Variants in PRKCE observed in about 807,000 individuals in gnomAD.
PRKCE encodes the protein protein kinase C epsilon type.
Under a neutral mutation model 85.4 loss-of-function variants are expected in PRKCE, and 16 were observed. The ratio of observed to expected loss-of-function variants is 0.19; its 90% CI spans 0.13 to 0.28. PRKCE has a LOEUF of 0.28. PRKCE is among the 10% of genes least tolerant of loss of function. The probability of loss-of-function intolerance (pLI) is 1.00; values close to 1 mark genes in which losing one functional copy is unlikely to be tolerated. For missense variants in PRKCE, 573 were observed against 975.2 expected, an observed-to-expected ratio of 0.59 and a Z score of 5.49; for synonymous variants, 388 against 371.5, an observed-to-expected ratio of 1.04 and a Z score of -0.51.
intron 1 of PRKCE, among the ~76,000 whole-genome samples, chr2:45,791,322 C>A (rs992270654): frequency 1.2e-4 from 19 of 152,162 alleles, no homozygotes; most frequent in Admixed American, 1.2e-3. Flanking sequence ...GACTGTAAGG[C>A]AAGCTCTCTG....
At chr2:45,756,787 G>T (rs1684039867) in intron 1 of PRKCE, among the ~76,000 whole-genome samples, 1 of 152,232 alleles carries the variant, frequency 6.6e-6, no homozygotes, top group Non-Finnish European at 1.5e-5. Flanking sequence ...AAGATAGGAA[G>T]TAAAACAGTG....
intron 1 of PRKCE, among the ~76,000 whole-genome samples, chr2:45,736,879 T>C (rs1682109761): frequency 6.6e-6 from 1 of 152,146 alleles, no homozygotes; most frequent in Non-Finnish European, 1.5e-5. Flanking sequence ...TAAGGATCAT[T>C]TTGGTTTAAG....
At chr2:46,119,360 T>C (rs1346767246) in intron 11 of PRKCE, among the ~76,000 whole-genome samples, 2 of 152,212 alleles carry the variant, frequency 1.3e-5, no homozygotes, top group Non-Finnish European at 2.9e-5. Flanking sequence ...TAGTTCTTTT[T>C]AGGGCATTCT....
At chr2:45,685,902 C>T (rs80298096) in intron 1 of PRKCE, among the ~76,000 whole-genome samples, 2,017 of 152,218 alleles carry the variant, frequency 0.013, 17 homozygotes, top group African/African-American at 0.017. Flanking sequence ...TGCCTATCCA[C>T]GGATAGAACC....
chr2:45,871,306 G>A (rs915668774), intron 2 of PRKCE, among the ~76,000 whole-genome samples: 11 of 152,178 alleles, frequency 7.2e-5, no homozygotes, highest in African/African-American at 2.4e-4. Flanking sequence ...GGTCATGCAG[G>A]TTCACACGTG....
In PRKCE at chr2:46,123,459, G is replaced by A. The variant is rs71422194; in HGVS notation, c.1593-21634G>A. Reference sequence around the variant, plus strand: ...CTCTTAGAATCTTTGAGATCACATAGAACAAAAGCAAACTTTATGGGTTTC... The same window carrying A: ...CTCTTAGAATCTTTGAGATCACATAAAACAAAAGCAAACTTTATGGGTTTC... On this transcript the variant is annotated intron_variant, in intron 11 of 14. Transcript: ENST00000306156. 5.6e-3 allele frequency among the ~76,000 whole-genome samples: 847 copies of A among 152,028 alleles called. 3 individuals are homozygous for A. Among genetic ancestry groups the A allele is most frequent in the African/African-American group, 0.02 (824 of 41,470 alleles).
At chr2:46,179,377 C>G (rs925108154) in intron 14 of PRKCE, among the ~76,000 whole-genome samples, 2 of 152,058 alleles carry the variant, frequency 1.3e-5, no homozygotes, top group Non-Finnish European at 2.9e-5. Flanking sequence ...CCACCACAGC[C>G]GCTGAGTCTC....
chr2:46,173,255 A>G (rs1456090460), intron 14 of PRKCE, among the ~76,000 whole-genome samples: 1 of 152,226 alleles, frequency 6.6e-6, no homozygotes, highest in African/African-American at 2.4e-5. Context: ...GAACACAGCC[A>G]CCGTCATTCA....
chr2:46,185,034 G>A lies in PRKCE; in HGVS notation c.*153G>A. On this transcript the variant is annotated 3_prime_UTR_variant, in exon 15 of 15. Transcript: ENST00000306156. The surrounding 1 kb of genome is among the most constrained non-coding windows in gnomAD (Gnocchi z 4.7). ...TATTTATTGCATTCCCTTGCCCCAG[G>A]CCACCTCCTCCCCCTCCCACCTGGT... 2.8e-6 allele frequency: 3 copies of A among 1,064,488 alleles called. No individual in the cohort carries two copies. The highest frequency in any genetic ancestry group is 4.0e-6 in the Non-Finnish European group (3 of 753,484). The allele number at this position is 1,064,488 out of a possible 1,614,324, so 65.9% of individuals were successfully genotyped here. A position where few individuals can be genotyped will look rare whatever the true frequency, so the allele number is the denominator to read the frequency against.
At chr2:45,883,192 G>A (rs553486639) in intron 2 of PRKCE, among the ~76,000 whole-genome samples, 1 of 152,310 alleles carries the variant, frequency 6.6e-6, no homozygotes, top group Admixed American at 6.5e-5. Flanking sequence ...CTGCCATTTG[G>A]GGACTTCCCT....
At chr2:45,698,448 G>C (rs1338756354) in intron 1 of PRKCE, among the ~76,000 whole-genome samples, 3 of 152,060 alleles carry the variant, frequency 2.0e-5, no homozygotes, top group Non-Finnish European at 4.4e-5. Flanking sequence ...TTGTGGATGG[G>C]GGTATAAGAG....
At chr2:45,800,949 C>T (rs867432475) in intron 1 of PRKCE, among the ~76,000 whole-genome samples, 5 of 152,122 alleles carry the variant, frequency 3.3e-5, no homozygotes, top group African/African-American at 1.2e-4. Context: ...TGGAAACTAA[C>T]GCAGTCATAG....
chr2:46,103,521 T>C (rs534611189), intron 11 of PRKCE, among the ~76,000 whole-genome samples: 94 of 152,324 alleles, frequency 6.2e-4, no homozygotes, highest in Non-Finnish European at 1.2e-3. Flanking sequence ...AATACACATA[T>C]TAAGTATTTC....
intron 2 of PRKCE, among the ~76,000 whole-genome samples, chr2:45,922,038 C>T (rs1439049239): frequency 6.6e-6 from 1 of 152,098 alleles, no homozygotes; most frequent in Non-Finnish European, 1.5e-5. Flanking sequence ...CAAAAACAAG[C>T]CCTTTCTGCA....
intron 1 of PRKCE, among the ~76,000 whole-genome samples, chr2:45,659,366 A>G (rs893775900): frequency 6.6e-6 from 1 of 152,134 alleles, no homozygotes; most frequent in Admixed American, 6.5e-5. Flanking sequence ...TTCAAAATAT[A>G]TCTCAGATCA....
rs10170627 is a variant in PRKCE at position 46,070,513 on chromosome 2, T to G, written c.1438-15695T>G. On this transcript the variant is annotated intron_variant, in intron 10 of 14. Coordinates refer to ENST00000306156, the MANE Select transcript of PRKCE (RefSeq NM_005400.3). Reference sequence around the variant, plus strand: ...AAAAAATTAGCCAGGTGTGGTGACATGCACCTGTAGTCCCAGCTTTTCAGG... The same window carrying G: ...AAAAAATTAGCCAGGTGTGGTGACAGGCACCTGTAGTCCCAGCTTTTCAGG... Among the ~76,000 whole-genome samples the G allele has an allele frequency of 3.0e-3, 454 of 152,210 alleles. 3 individuals are homozygous for G. The highest frequency in any genetic ancestry group is 0.01 in the African/African-American group (424 of 41,546).
intron 6 of PRKCE, among the ~76,000 whole-genome samples, chr2:45,985,687 A>T (rs916661676): frequency 1.3e-5 from 2 of 152,202 alleles, no homozygotes; most frequent in African/African-American, 4.8e-5. Context: ...ACTTTAATAT[A>T]TCAAGGAGGA....
intron 5 of PRKCE, among the ~76,000 whole-genome samples, chr2:45,983,937 ATTT>A (rs11418472): frequency 3.0e-5 from 4 of 132,976 alleles, no homozygotes; most frequent in Admixed American, 7.7e-5. Flanking sequence ...TGAAGGTACA[ATTT>A]TTTTTTTTTT....
At chr2:46,174,952 A>C (rs1679282843) in intron 14 of PRKCE, among the ~76,000 whole-genome samples, 1 of 151,976 alleles carries the variant, frequency 6.6e-6, no homozygotes, top group African/African-American at 2.4e-5. Context: ...TGTCCACCAG[A>C]AGTGCTGGGA....
Sources: gnomAD v4.1 joint callset for allele counts (sites outside exome capture counted in the v4.1 genomes callset) on GRCh38, gnomAD v4.1.1 for gene constraint, Gnocchi (gnomAD v3.1) non-coding constraint, MANE v1.5 for transcripts, NCBI Gene and HGNC (gene_info 2026-07-23, HGNC 2026-07-21) for gene names.